STC2: variants seen among roughly 807,000 people sequenced by gnomAD.
STC2 encodes the protein stanniocalcin 2.
STC2 carries 7 observed loss-of-function variants against 22.7 expected under a neutral mutation model. The ratio of observed to expected loss-of-function variants is 0.31; its 90% confidence interval spans 0.18 to 0.58. The LOEUF is 0.58. Ranked by LOEUF, STC2 falls within the 20% of genes least tolerant of loss-of-function variation. The pLI is 0.89. For synonymous variants in STC2, 158 were observed against 163.4 expected (o/e 0.97, Z 0.25); for missense variants, 336 against 406.2 (o/e 0.83, Z 1.48).
At chr5:173,321,720 A>G (rs527324998) in intron 3 of STC2, among the ~76,000 whole-genome samples, 1 of 152,334 alleles carries the variant, frequency 6.6e-6, no homozygotes, top group Non-Finnish European at 1.5e-5. Flanking sequence ...TCTTGGGCAT[A>G]GTAATTTCTA....
In STC2 at chr5:173,325,434, G is replaced by C. The variant is rs1309745963; in HGVS notation, c.294+434C>G. 6.6e-6 allele frequency among the ~76,000 whole-genome samples: 1 copy of C among 152,196 alleles called. No homozygotes were observed. Among genetic ancestry groups the C allele is most frequent in the Non-Finnish European group, 1.5e-5 (1 of 68,038 alleles). On this transcript the variant is annotated intron_variant, in intron 2 of 3. Coordinates refer to ENST00000265087, the MANE Select transcript of STC2 (RefSeq NM_003714.3). The surrounding 1 kb of genome is among the most constrained non-coding windows in gnomAD (Gnocchi z 4.7). ...TGCTACTCAGGAGGAATAGAAGTCT[G>C]CTCTTTTGGAGGTCCTGAGTTATTC...
chr5:173,322,198 C>T (rs149413168), intron 3 of STC2, among the ~76,000 whole-genome samples: 6 of 152,274 alleles, frequency 3.9e-5, no homozygotes, highest in Admixed American at 3.9e-4. Context: ...CGTGGAGAGA[C>T]CAACAGTGCC....
In STC2 at chr5:173,316,293, G is replaced by A. The variant is rs936327563; in HGVS notation, c.*1554C>T. The A allele has an allele frequency of 1.3e-5, 2 of 152,046 alleles. No homozygotes were observed. Among genetic ancestry groups the A allele is most frequent in the African/African-American group, 4.8e-5 (2 of 41,404 alleles). 9.4% of individuals were successfully genotyped at this position (152,046 alleles called of 1,614,324 possible). A position where few individuals can be genotyped will look rare whatever the true frequency, so the allele number is the denominator to read the frequency against. ...TGAGTAGTTTCGACAGAGACCTCACGGCTCGCCAAACTGAAAGTACTGGAT... is the reference window on the plus strand; with the variant it reads ...TGAGTAGTTTCGACAGAGACCTCACAGCTCGCCAAACTGAAAGTACTGGAT... On this transcript the variant is annotated 3_prime_UTR_variant, in exon 4 of 4. Transcript: ENST00000265087.
At chr5:173,322,994 CTGTTGCT>C in intron 3 of STC2, 1 of 579,228 alleles carries the variant, frequency 1.7e-6, no homozygotes, top group Non-Finnish European at 3.1e-6. Context: ...TTTCCCATTT[CTGTTGCT>C]TGTGATTTTG....
Position 173,323,577 on chromosome 5 carries a change from C to T in STC2, c.295-147G>A, listed in dbSNP as rs868722017. Reference sequence around the variant, plus strand: ...GCCCCACCAGAGACGGACGTCCTCCCAGGTGACAGGCAATGCGACATCCGG... The same window carrying T: ...GCCCCACCAGAGACGGACGTCCTCCTAGGTGACAGGCAATGCGACATCCGG... On this transcript the variant is annotated intron_variant, in intron 2 of 3. Coordinates refer to ENST00000265087, the MANE Select transcript of STC2 (RefSeq NM_003714.3). The surrounding 1 kb of genome is among the most constrained non-coding windows in gnomAD (Gnocchi z 5.4). 113 of 769,086 alleles carry T rather than the reference C, an allele frequency of 1.5e-4. No individual in the cohort carries two copies. The highest frequency in any genetic ancestry group is 7.5e-4 in the Middle Eastern group (2 of 2,674). The allele number at this position is 769,086 out of a possible 1,614,324, so 47.6% of individuals were successfully genotyped here.
chr5:173,328,028 G>C lies in STC2; in HGVS notation c.151+15C>G. ...TCTCCCAGTAGCTCCCGGCTGCGGG[G>C]GCACATGCACTTACCTGTATTCTGC... On this transcript the variant is annotated intron_variant, in intron 1 of 3. Coordinates refer to ENST00000265087, the MANE Select transcript of STC2 (RefSeq NM_003714.3). 1 of 1,474,990 alleles carries C rather than the reference G, an allele frequency of 6.8e-7. No homozygotes were observed. The highest frequency in any genetic ancestry group is 9.0e-7 in the Non-Finnish European group (1 of 1,107,548). The allele number at this position is 1,474,990 out of a possible 1,614,324, so 91.4% of individuals were successfully genotyped here.
At chr5:173,324,940 T>G (rs981903847) in intron 2 of STC2, among the ~76,000 whole-genome samples, 3 of 152,202 alleles carry the variant, frequency 2.0e-5, no homozygotes, top group Non-Finnish European at 4.4e-5. Context: ...CTCTGCAGTT[T>G]AGGCTGCCAG....
At position 173,322,990 on chromosome 5, in the gene STC2, A is replaced by G. The variant is rs1744026281; in HGVS notation, c.506+229T>C. 5 of 575,586 alleles carry G rather than the reference A, an allele frequency of 8.7e-6. No homozygotes were observed. The Admixed American group carries it at 9.0e-5, about 10-fold the overall frequency. 35.7% of individuals were successfully genotyped at this position (575,586 alleles called of 1,614,324 possible). ...TTCATTCTTAGTAAAACGATTTCCCATTTCTGTTGCTTGTGATTTTGAGAC... is the reference window on the plus strand; with the variant it reads ...TTCATTCTTAGTAAAACGATTTCCCGTTTCTGTTGCTTGTGATTTTGAGAC... On this transcript the variant is annotated intron_variant, in intron 3 of 3. Coordinates refer to ENST00000265087, the MANE Select transcript of STC2 (RefSeq NM_003714.3).
chr5:173,327,186 T>G (rs1239688528), intron 1 of STC2, among the ~76,000 whole-genome samples: 2 of 152,256 alleles, frequency 1.3e-5, no homozygotes, highest in African/African-American at 4.8e-5. Context: ...TAATGGGCAC[T>G]CGTGCATTCC....
Position 173,323,221 on chromosome 5 carries a change from G to T in STC2, c.504C>A (p.His168Gln), listed in dbSNP as rs753601207. 15 of 1,614,138 alleles carry T rather than the reference G, an allele frequency of 9.3e-6. No individual in the cohort carries two copies. The highest frequency in any genetic ancestry group is 1.2e-5 in the Non-Finnish European group (14 of 1,180,036). Residue 168 changes from histidine to glutamine, a missense_variant and splice_region_variant, in exon 3 of 4, where the codon CAC becomes CAA. His to Gln is a conservative substitution (Grantham distance 24, BLOSUM62 0). Around this residue, in one of 3 missense-constraint regions of STC2, gnomAD observed 215 missense variants for 231.5 expected, o/e 0.93. Coordinates refer to ENST00000265087, the MANE Select transcript of STC2 (RefSeq NM_003714.3). The surrounding 1 kb of genome is among the most constrained non-coding windows in gnomAD (Gnocchi z 5.4). ...EMIHFKDLLLHEPYVDLVNLL... is the reference protein window; with the variant it reads ...EMIHFKDLLLQEPYVDLVNLL... The stretch of plus-strand genomic sequence containing the variant: ...GCCCTCTGCGGGGCAGTACTCACTC[G>T]TGCAGCAGCAAGTCCTTGAAATGGA...
rs189927152 is a variant in STC2 at position 173,320,244 on chromosome 5, G to A, written c.507-1995C>T. On this transcript the variant is annotated intron_variant, in intron 3 of 3. Transcript: ENST00000265087. ...TATGCAGACTGTCTTTCGCCTTCCC[G>A]GCCAGGGCGTTCTGTCTGCCAGATG... is the stretch of plus-strand genomic sequence containing the variant. Among the ~76,000 whole-genome samples the A allele has an allele frequency of 3.0e-3, 459 of 152,152 alleles. 7 individuals carry two copies. Among genetic ancestry groups the A allele is most frequent in the Admixed American group, 0.025 (389 of 15,288 alleles).
chr5:173,326,485 A>G (rs1450392038), intron 1 of STC2: 1 of 153,740 alleles, frequency 6.5e-6, no homozygotes, highest in Admixed American at 6.5e-5. Context: ...CCCAAATGAC[A>G]GCATCTAAAA....
At position 173,317,948 on chromosome 5, in the gene STC2, C is replaced by T. The variant is rs373237346; in HGVS notation, c.808G>A (p.Ala270Thr). The T allele has an allele frequency of 9.9e-6, 16 of 1,613,462 alleles. No homozygotes were observed. Among genetic ancestry groups the T allele is most frequent in the East Asian group, 4.5e-5 (2 of 44,884 alleles). ...CCCCCGACTCTGCCTCGGGCATGGGCGTTTGGGTGGCTCTTGCTACCTCGC... is the reference window on the plus strand; with the variant it reads ...CCCCCGACTCTGCCTCGGGCATGGGTGTTTGGGTGGCTCTTGCTACCTCGC... ...GERGSKSHPN[A>T]HARGRVGGLG... The change falls in exon 4 of 4, where the codon GCC becomes ACC. Residue 270 changes from alanine to threonine, a missense_variant. By Grantham distance (58) the Ala-to-Thr change is moderately conservative. This residue lies in a region of STC2 where 215 missense variants were observed against 231.5 expected (regional missense o/e 0.93). Transcript: ENST00000265087.
intron 1 of STC2, 66 bp downstream of exon 1, chr5:173,327,977 G>A: frequency 7.2e-6 from 10 of 1,390,632 alleles, no homozygotes; most frequent in South Asian, 1.9e-5. Context: ...AACGCCTGGG[G>A]CGCGCCGCGT....
At position 173,325,634 on chromosome 5, in the gene STC2, G is replaced by A. The variant is rs935227420; in HGVS notation, c.294+234C>T. On this transcript the variant is annotated intron_variant, in intron 2 of 3. Transcript: ENST00000265087. This position sits in a 1 kb window ranked among gnomAD's most constrained non-coding sequence, Gnocchi z 4.7. ...CAGACACAGCGTGTCCCCTTACAAG[G>A]TGTTTATCGTTTATTATGACATTGG... Among the ~76,000 whole-genome samples, 1 of 152,182 alleles carries A rather than the reference G, an allele frequency of 6.6e-6. No homozygotes were observed. Among genetic ancestry groups the A allele is most frequent in the African/African-American group, 2.4e-5 (1 of 41,430 alleles).
chr5:173,323,143 C>T lies in STC2; in HGVS notation c.506+76G>A, dbSNP rs767834711. The stretch of plus-strand genomic sequence containing the variant: ...AGGCATTCAGCCTCTAGAAGCAACG[C>T]GGCTCTCCTCCCATACACATTGCCA... On this transcript the variant is annotated intron_variant, in intron 3 of 3. Transcript: ENST00000265087. The surrounding 1 kb of genome is among the most constrained non-coding windows in gnomAD (Gnocchi z 5.4). 2.5e-4 allele frequency: 359 copies of T among 1,430,372 alleles called. 2 individuals are homozygous for T. The highest frequency in any genetic ancestry group is 2.7e-4 in the Non-Finnish European group (271 of 1,020,372). 88.6% of individuals were successfully genotyped at this position (1,430,372 alleles called of 1,614,324 possible).
At chr5:173,320,236 G>A (rs530943503) in intron 3 of STC2, among the ~76,000 whole-genome samples, 7 of 139,464 alleles carry the variant, frequency 5.0e-5, no homozygotes, top group African/African-American at 1.7e-4. Flanking sequence ...ACTGTCTTTC[G>A]CCTTCCCGGC....
rs375274614 is a variant in STC2 at position 173,323,324 on chromosome 5, T to C, written c.401A>G (p.Gln134Arg). The change falls in exon 3 of 4, where the codon CAG becomes CGG. Residue 134 changes from glutamine (Q) to arginine (R), a missense_variant. Physicochemically the swap from Gln to Arg is conservative, Grantham distance 43. This residue lies in a region of STC2 where 215 missense variants were observed against 231.5 expected (regional missense o/e 0.93). Coordinates refer to ENST00000265087, the MANE Select transcript of STC2 (RefSeq NM_003714.3). The surrounding 1 kb of genome is among the most constrained non-coding windows in gnomAD (Gnocchi z 5.4). The part of the protein sequence containing the change: ...KCPAIREMVS[Q>R]LQRECYLKHD... ...CTTGAGGTAGCATTCCCGCTGCAACTGGGACACCATTTCCCTGATGGCCGG... is the reference window on the plus strand; with the variant it reads ...CTTGAGGTAGCATTCCCGCTGCAACCGGGACACCATTTCCCTGATGGCCGG... 6.2e-6 allele frequency: 10 copies of C among 1,614,102 alleles called. No homozygotes were observed. The African/African-American group carries it at 1.3e-4, about 22-fold the overall frequency.
At position 173,323,004 on chromosome 5, in the gene STC2, T is replaced by G; in HGVS notation, c.506+215A>C. The G allele has an allele frequency of 1.7e-6, 1 of 585,484 alleles. No individual in the cohort carries two copies. The highest frequency in any genetic ancestry group is 2.8e-5 in the East Asian group (1 of 35,170). 36.3% of individuals were successfully genotyped at this position (585,484 alleles called of 1,614,324 possible). ...AACGATTTCCCATTTCTGTTGCTTGTGATTTTGAGACTGATGAGGGAATTC... is the reference window on the plus strand; with the variant it reads ...AACGATTTCCCATTTCTGTTGCTTGGGATTTTGAGACTGATGAGGGAATTC... On this transcript the variant is annotated intron_variant, in intron 3 of 3. Coordinates refer to ENST00000265087, the MANE Select transcript of STC2 (RefSeq NM_003714.3). The surrounding 1 kb of genome is among the most constrained non-coding windows in gnomAD (Gnocchi z 5.4).
Sources: allele counts gnomAD v4.1 joint callset (sites outside exome capture counted in the v4.1 genomes callset), GRCh38; gene constraint gnomAD v4.1.1; regional missense constraint gnomAD v4.1.1; non-coding constraint Gnocchi (gnomAD v3.1); transcripts MANE v1.5; gene names NCBI Gene and HGNC (gene_info 2026-07-23, HGNC 2026-07-21).